The following TMOD3 variants were observed in gnomAD, a reference collection of about 807,000 sequenced individuals.
TMOD3 encodes tropomodulin-3.
In TMOD3, 20 loss-of-function variants were observed where a neutral mutation model predicts 39.2. The observed-to-expected ratio is 0.51, with a 90% CI of 0.36 to 0.74. TMOD3 has a LOEUF of 0.74. TMOD3 is among the 30% of genes least tolerant of loss of function. The pLI, the probability that TMOD3 is intolerant of heterozygous loss-of-function variation, is 0.00. For synonymous variants in TMOD3, 143 were observed against 145.8 expected (o/e 0.98, Z 0.14); for missense variants, 381 against 412.8 (o/e 0.92, Z 0.67).
chr15:51,877,716 G>A (rs1436307840), intron 3 of TMOD3, among the ~76,000 whole-genome samples: 2 of 151,516 alleles, frequency 1.3e-5, no homozygotes, highest in Non-Finnish European at 2.9e-5. Context: ...GGTGGGACTA[G>A]AGCAGTGTTC....
intron 2 of TMOD3, among the ~76,000 whole-genome samples, chr15:51,866,497 A>G (rs192432730): frequency 1.3e-5 from 2 of 152,192 alleles, no homozygotes; most frequent in Admixed American, 6.5e-5. Flanking sequence ...AAGGCTTTCT[A>G]AGGAGCCAGA....
At chr15:51,862,080 G>T (rs1277591954) in intron 1 of TMOD3, among the ~76,000 whole-genome samples, 1 of 152,086 alleles carries the variant, frequency 6.6e-6, no homozygotes, top group African/African-American at 2.4e-5. Flanking sequence ...GCCAACTTCT[G>T]TGTCTCTAGA....
chr15:51,872,802 G>A (rs1406577874), intron 3 of TMOD3, among the ~76,000 whole-genome samples: 1 of 152,076 alleles, frequency 6.6e-6, no homozygotes, highest in Non-Finnish European at 1.5e-5. Context: ...TGAAATCACT[G>A]TAAAGGATCA....
intron 8 of TMOD3, chr15:51,901,556 G>C (rs1324120985): frequency 4.5e-6 from 1 of 223,712 alleles, no homozygotes; most frequent in Non-Finnish European, 8.6e-6. Context: ...TCATATTACT[G>C]AACTTTAAAA....
intron 1 of TMOD3, among the ~76,000 whole-genome samples, chr15:51,839,205 T>TAGA (rs2056301795): frequency 1.3e-5 from 2 of 148,556 alleles, no homozygotes; most frequent in South Asian, 4.2e-4. Flanking sequence ...TGGGTCTCAC[T>TAGA]CTGTTGCCTA....
chr15:51,873,124 G>A lies in TMOD3; in HGVS notation c.283+3751G>A, dbSNP rs112229598. Among the ~76,000 whole-genome samples the A allele has an allele frequency of 9.8e-3, 1,493 of 152,254 alleles. 30 individuals carry two copies. Among genetic ancestry groups the A allele is most frequent in the African/African-American group, 0.035 (1,433 of 41,534 alleles). ...AAGCAGTTAGCCTTAGTTATCCTTA[G>A]TCACGAATATGCCTTCCTCTCTCTT... On this transcript the variant is annotated intron_variant, in intron 3 of 9. Transcript: ENST00000308580.
At chr15:51,871,956 A>T (rs1381157645) in intron 3 of TMOD3, among the ~76,000 whole-genome samples, 1 of 152,158 alleles carries the variant, frequency 6.6e-6, no homozygotes, top group Non-Finnish European at 1.5e-5. Context: ...AATATTGTTT[A>T]TGGGCAGCTC....
intron 1 of TMOD3, among the ~76,000 whole-genome samples, chr15:51,858,571 T>G (rs1330407340): frequency 2.6e-5 from 4 of 151,996 alleles, no homozygotes; most frequent in African/African-American, 4.8e-5. Flanking sequence ...TTTGCTTGTG[T>G]TTTTTTTCCC....
chr15:51,847,584 A>G (rs2056342015), intron 1 of TMOD3, among the ~76,000 whole-genome samples: 1 of 152,164 alleles, frequency 6.6e-6, no homozygotes, highest in Admixed American at 6.5e-5. Context: ...GAATCAGTGA[A>G]CCAAACAAAA....
chr15:51,895,036 T>C (rs2056613702), intron 6 of TMOD3, among the ~76,000 whole-genome samples: 1 of 152,090 alleles, frequency 6.6e-6, no homozygotes, highest in Non-Finnish European at 1.5e-5. Context: ...TGTAATGGCT[T>C]CATTATAAAT....
intron 1 of TMOD3, among the ~76,000 whole-genome samples, chr15:51,853,723 C>T (rs2056373481): frequency 6.7e-6 from 1 of 149,854 alleles, no homozygotes; most frequent in African/African-American, 2.5e-5. Context: ...GAGGAGGGAT[C>T]ACTTGAACCT....
intron 1 of TMOD3, among the ~76,000 whole-genome samples, chr15:51,840,242 T>A (rs1010928498): frequency 1.3e-5 from 2 of 152,250 alleles, no homozygotes; most frequent in Admixed American, 1.3e-4. Context: ...CTCACTCTTC[T>A]GTATTCTCTT....
At chr15:51,875,544 C>T (rs12441120) in intron 3 of TMOD3, among the ~76,000 whole-genome samples, 33 of 151,702 alleles carry the variant, frequency 2.2e-4, no homozygotes, top group Admixed American at 2.2e-3. Flanking sequence ...TGGATAACTA[C>T]ACCCACTCTG....
intron 1 of TMOD3, among the ~76,000 whole-genome samples, chr15:51,834,085 T>C (rs2056269152): frequency 6.6e-6 from 1 of 152,236 alleles, no homozygotes; most frequent in African/African-American, 2.4e-5. Context: ...GTATCTTTTT[T>C]TGTGAATTGT....
intron 4 of TMOD3, 55 bp from the exon 5 acceptor site, chr15:51,889,001 T>G: frequency 8.6e-7 from 1 of 1,168,172 alleles, no homozygotes; most frequent in Non-Finnish European, 1.2e-6. Context: ...AAATTTTTAG[T>G]TGTAAAACTC....
At chr15:51,897,960 G>T (rs993680422) in intron 7 of TMOD3, among the ~76,000 whole-genome samples, 1 of 151,876 alleles carries the variant, frequency 6.6e-6, no homozygotes, top group Non-Finnish European at 1.5e-5. Flanking sequence ...TATTGCAACA[G>T]CCTCCTAATT....
intron 1 of TMOD3, among the ~76,000 whole-genome samples, chr15:51,836,584 G>A (rs146457781): frequency 6.6e-6 from 1 of 152,110 alleles, no homozygotes; most frequent in East Asian, 1.9e-4. Flanking sequence ...AATTAGCCAG[G>A]CATGTTGGCA....
intron 1 of TMOD3, among the ~76,000 whole-genome samples, chr15:51,831,756 T>C (rs1026941262): frequency 1.3e-5 from 2 of 152,200 alleles, no homozygotes; most frequent in Non-Finnish European, 2.9e-5. Context: ...GCTTTTTTTT[T>C]CTCTCCTCCT....
At chr15:51,862,736 C>T (rs1055441529) in intron 1 of TMOD3, 75 bp from the exon 2 acceptor site, 15 of 617,138 alleles carry the variant, frequency 2.4e-5, no homozygotes, top group African/African-American at 2.1e-4. Flanking sequence ...TTACATTTCA[C>T]TTAACCTGAG....
Sources: gnomAD v4.1 joint callset for allele counts (sites outside exome capture counted in the v4.1 genomes callset) on GRCh38, gnomAD v4.1.1 for gene constraint, MANE v1.5 for transcripts, NCBI Gene and HGNC (gene_info 2026-07-23, HGNC 2026-07-21) for gene names.